NOL11: variants seen among roughly 807,000 people sequenced by gnomAD.
NOL11 encodes nucleolar protein 11.
A neutral mutation model predicts 93.0 loss-of-function variants in NOL11; 42 were observed. The observed-to-expected ratio is 0.45, with a 90% confidence interval of 0.35 to 0.58. The LOEUF (loss-of-function observed/expected upper bound fraction) is 0.58, where lower values mean the gene tolerates loss of function less well. Among genes scored for constraint, NOL11 ranks in the 20% least tolerant of loss-of-function variants. NOL11 has a pLI of 0.00. For synonymous variants in NOL11, 296 were observed against 293.7 expected, an observed-to-expected ratio of 1.01 and a Z score of -0.08; for missense variants, 775 against 841.8, an observed-to-expected ratio of 0.92 and a Z score of 0.98.
At chr17:67,732,221 C>T (rs2055160157) in intron 7 of NOL11, among the ~76,000 whole-genome samples, 2 of 152,288 alleles carry the variant, frequency 1.3e-5, no homozygotes, top group East Asian at 1.9e-4. Flanking sequence ...AGTAATCACA[C>T]CTATAATCCC....
intron 16 of NOL11, chr17:67,743,236 C>T: frequency 3.5e-6 from 1 of 288,098 alleles, no homozygotes; most frequent in East Asian, 8.0e-5. Flanking sequence ...CATTCCTACT[C>T]CAGCCTGGGT....
chr17:67,739,960 G>C (rs766647398), intron 16 of NOL11, among the ~76,000 whole-genome samples: 1 of 152,192 alleles, frequency 6.6e-6, no homozygotes, highest in South Asian at 2.1e-4. Context: ...AACAGGCCAG[G>C]CATGGTGACT....
At position 67,744,126 on chromosome 17, in the gene NOL11, T is replaced by A. The variant is rs1232638650; in HGVS notation, c.*267T>A. 1 of 190,984 alleles carries A rather than the reference T, an allele frequency of 5.2e-6. No homozygotes were observed. The highest frequency in any genetic ancestry group is 1.2e-4 in the East Asian group (1 of 8,320). The allele number at this position is 190,984 out of a possible 1,614,324, so 11.8% of individuals were successfully genotyped here. A position where few individuals can be genotyped will look rare whatever the true frequency, so the allele number is the denominator to read the frequency against. ...GGTTGATTTTAAGTAAAATTATTTG[T>A]GTATTGATAAAAGTCTAATTTCTTA... On this transcript the variant is annotated 3_prime_UTR_variant, in exon 18 of 18. Transcript: ENST00000253247.
rs1404404798 is a variant in NOL11 at position 67,721,448 on chromosome 17, C to T, written c.383C>T (p.Ala128Val). 1.2e-6 allele frequency: 2 copies of T among 1,613,556 alleles called. No individual in the cohort carries two copies. Among genetic ancestry groups the T allele is most frequent in the Admixed American group, 3.3e-5 (2 of 60,000 alleles). ...TEPLVLFKEG[A>V]VRGLEALLAD... ...CCCTTGGTGCTCTTCAAGGAAGGTG[C>T]TGTTCGTGGTTTAGAGGCCTTGCTT... The change falls in exon 4 of 18, where the codon GCT becomes GTT. Residue 128 changes from alanine to valine, a missense_variant. This residue lies in a region of NOL11 where 359 missense variants were observed against 316.5 expected (regional missense o/e 1.13). Coordinates refer to ENST00000253247, the MANE Select transcript of NOL11 (RefSeq NM_015462.5).
Position 67,743,739 on chromosome 17 carries a change from T to G in NOL11, c.2044-4T>G. 1 of 1,460,722 alleles carries G rather than the reference T, an allele frequency of 6.8e-7. No individual in the cohort carries two copies. Among genetic ancestry groups the G allele is most frequent in the Non-Finnish European group, 9.3e-7 (1 of 1,078,828 alleles). 90.5% of individuals were successfully genotyped at this position (1,460,722 alleles called of 1,614,324 possible). A position where few individuals can be genotyped will look rare whatever the true frequency, so the allele number is the denominator to read the frequency against. On this transcript the variant is annotated splice_region_variant and splice_polypyrimidine_tract_variant and intron_variant, in intron 17 of 17. Transcript: ENST00000253247. ...AAAAGTTACTCTGAAACTCTTTTCT[T>G]TAGATATCTGTTTATTCTGAGCTCA...
In NOL11 at chr17:67,719,775, A is replaced by G. The variant is rs745399918; in HGVS notation, c.243A>G (p.Val81=). Residue 81 remains valine (V), a synonymous_variant, in exon 2 of 18, where the codon GTA becomes GTG. Transcript: ENST00000253247. Reference sequence around the variant, plus strand: ...TTCAAACTGGAGAGTATGTTGTTGTACACGATAATAAGGTGAGTTTTAAAA... The same window carrying G: ...TTCAAACTGGAGAGTATGTTGTTGTGCACGATAATAAGGTGAGTTTTAAAA... ...CNFQTGEYVV[V]HDNKVLRIWN... is the part of the protein sequence containing the mutation. 1.3e-6 allele frequency: 2 copies of G among 1,598,952 alleles called. No individual in the cohort carries two copies. Among genetic ancestry groups the G allele is most frequent in the Admixed American group, 1.7e-5 (1 of 59,368 alleles).
At chr17:67,719,410 G>A (rs2043200719) in intron 1 of NOL11, 2 of 243,818 alleles carry the variant, frequency 8.2e-6, no homozygotes, top group Non-Finnish European at 1.6e-5. Context: ...ACAGGCGCAC[G>A]CCACCACGCC....
At chr17:67,724,256 T>A (rs1339659897) in intron 6 of NOL11, 63 bp downstream of exon 6, 2 of 995,214 alleles carry the variant, frequency 2.0e-6, no homozygotes. Context: ...GGATAGTGTA[T>A]GTTTTTGAAT....
chr17:67,737,472 T>C (rs370720346), intron 11 of NOL11, 36 bp from the exon 12 acceptor site: 3 of 1,519,776 alleles, frequency 2.0e-6, no homozygotes, highest in South Asian at 1.2e-5. Flanking sequence ...CATTCGTTAA[T>C]GTGCCAAACT....
rs75244364 is a variant in NOL11 at position 67,731,257 on chromosome 17, T to A, written c.854-3106T>A. Among the ~76,000 whole-genome samples, 73 of 2,726 alleles carry A rather than the reference T, an allele frequency of 0.027. 5 individuals are homozygous for A. In the East Asian group the frequency reaches 0.3, roughly 11 times the overall value. 1.8% of individuals were successfully genotyped at this position (2,726 alleles called of 152,430 possible). A position where few individuals can be genotyped will look rare whatever the true frequency, so the allele number is the denominator to read the frequency against. ...TGTCCCTTCGTGCACAAAAGTTTTTTTTTTTTTTTTTTTTTTTTTTTTTTG... is the reference window on the plus strand; with the variant it reads ...TGTCCCTTCGTGCACAAAAGTTTTTATTTTTTTTTTTTTTTTTTTTTTTTG... On this transcript the variant is annotated intron_variant, in intron 7 of 17. Transcript: ENST00000253247.
chr17:67,720,056 G>T, intron 3 of NOL11, 94 bp downstream of exon 3: 1 of 1,169,734 alleles, frequency 8.5e-7, no homozygotes, highest in Non-Finnish European at 1.2e-6. Flanking sequence ...TAATACCTCT[G>T]GGAAAATAAG....
At position 67,721,460 on chromosome 17, in the gene NOL11, T is replaced by A; in HGVS notation, c.395T>A (p.Leu132Ter). The change falls in exon 4 of 18, where the codon TTA becomes TAA. Residue 132 changes from leucine (L) to a stop codon, truncating the protein, a stop_gained. Coordinates refer to ENST00000253247, the MANE Select transcript of NOL11 (RefSeq NM_015462.5). LOFTEE classifies it high-confidence loss of function. ...VLFKEGAVRG[L>*]EALLADPQQK... ...TTCAAGGAAGGTGCTGTTCGTGGTT[T>A]AGAGGCCTTGCTTGCAGACCCCCAG... The A allele has an allele frequency of 6.2e-7, 1 of 1,614,032 alleles. No individual in the cohort carries two copies. Among genetic ancestry groups the A allele is most frequent in the Non-Finnish European group, 8.5e-7 (1 of 1,179,886 alleles).
intron 16 of NOL11, among the ~76,000 whole-genome samples, chr17:67,742,181 G>T (rs1009110183): frequency 6.6e-6 from 1 of 152,192 alleles, no homozygotes; most frequent in African/African-American, 2.4e-5. Flanking sequence ...CACCAGCAAG[G>T]TCTGAGGCAT....
At chr17:67,722,791 C>T (rs1293649014) in intron 5 of NOL11, among the ~76,000 whole-genome samples, 154 bp downstream of exon 5, 2 of 152,104 alleles carry the variant, frequency 1.3e-5, no homozygotes, top group Admixed American at 1.3e-4. Flanking sequence ...TCAAGCAGTC[C>T]TCCCACTTCA....
intron 7 of NOL11, among the ~76,000 whole-genome samples, chr17:67,732,694 C>G (rs1034543749): frequency 2.0e-5 from 3 of 151,352 alleles, no homozygotes; most frequent in African/African-American, 7.3e-5. Context: ...CTGCCTCAAC[C>G]TCCTGAGCAG....
chr17:67,731,556 T>C (rs1420877041), intron 7 of NOL11, among the ~76,000 whole-genome samples: 1 of 152,228 alleles, frequency 6.6e-6, no homozygotes, highest in African/African-American at 2.4e-5. Flanking sequence ...CCAATTTTTA[T>C]TTTTCTTTCG....
In NOL11 at chr17:67,717,970, T is replaced by C; in HGVS notation, c.23T>C (p.Phe8Ser). The C allele has an allele frequency of 6.2e-7, 1 of 1,614,222 alleles. No individual in the cohort carries two copies. The highest frequency in any genetic ancestry group is 8.5e-7 in the Non-Finnish European group (1 of 1,180,032). The part of the protein sequence containing the change: MAALEEE[F>S]TLSSVVLSAG... ...AAAATGGCAGCGCTGGAGGAAGAAT[T>C]CACGTTGTCTTCGGTAGTCCTGAGC... Residue 8 changes from phenylalanine to serine, a missense_variant, in exon 1 of 18, where the codon TTC becomes TCC. Physicochemically the swap from Phe to Ser is radical, Grantham distance 155. Coordinates refer to ENST00000253247, the MANE Select transcript of NOL11 (RefSeq NM_015462.5).
rs1407645714 is a variant in NOL11 at position 67,735,949 on chromosome 17, CTG to C, written c.983_984del (p.Val328AspfsTer6). The C allele has an allele frequency of 2.5e-6, 4 of 1,611,998 alleles. No individual in the cohort carries two copies. The highest frequency in any genetic ancestry group is 2.2e-5 in the East Asian group (1 of 44,818). On this transcript the variant is annotated frameshift_variant, in exon 9 of 18. Transcript: ENST00000253247. LOFTEE classifies it high-confidence loss of function. ...TTTATGCTACATGGAAAATCTCTAA[CTG>C]TGATTCCATACAAGTGTGAAGTGTC...
chr17:67,727,416 C>T (rs1168894988), intron 7 of NOL11, among the ~76,000 whole-genome samples: 2 of 152,194 alleles, frequency 1.3e-5, no homozygotes, highest in Non-Finnish European at 2.9e-5. Context: ...AATCCCAGCA[C>T]TTTGGGAGGC....
Sources: allele counts gnomAD v4.1 joint callset (sites outside exome capture counted in the v4.1 genomes callset), GRCh38; gene constraint gnomAD v4.1.1; regional missense constraint gnomAD v4.1.1; transcripts MANE v1.5; gene names NCBI Gene and HGNC (gene_info 2026-07-23, HGNC 2026-07-21).